MOCS1: variants seen among roughly 807,000 people sequenced by gnomAD.
The protein encoded by MOCS1 is molybdenum cofactor synthesis 1.
A neutral mutation model predicts 57.6 loss-of-function variants in MOCS1; 39 were observed. The ratio of observed to expected loss-of-function variants is 0.68; its 90% CI spans 0.52 to 0.88. The LOEUF is 0.88. MOCS1 is among the 40% of genes least tolerant of loss of function. The probability of loss-of-function intolerance (pLI) is 0.00; values close to 1 mark genes in which losing one functional copy is unlikely to be tolerated. For synonymous variants in MOCS1, 334 were observed against 335.7 expected, an observed-to-expected ratio of 1.00 and a Z score of 0.05; for missense variants, 795 against 831.1, an observed-to-expected ratio of 0.96 and a Z score of 0.53.
At chr6:39,922,326 G>GC (rs1768015619) in intron 3 of MOCS1, among the ~76,000 whole-genome samples, 1 of 152,166 alleles carries the variant, frequency 6.6e-6, no homozygotes, top group Non-Finnish European at 1.5e-5. Context: ...TCCAACCTGT[G>GC]CCCTAGGGGC....
At chr6:39,912,852 C>T in intron 7 of MOCS1, 40 bp downstream of exon 7, 1 of 1,535,002 alleles carries the variant, frequency 6.5e-7, no homozygotes, top group Non-Finnish European at 9.0e-7. Context: ...GGAGGTACGA[C>T]CTTCCTCCAG....
At chr6:39,926,401 T>C (rs1000352469) in intron 2 of MOCS1, among the ~76,000 whole-genome samples, 2 of 151,836 alleles carry the variant, frequency 1.3e-5, no homozygotes, top group East Asian at 2.0e-4. Context: ...ATACTACTTG[T>C]TCATGGTGAG....
chr6:39,929,626 C>T (rs1019931273), intron 1 of MOCS1, among the ~76,000 whole-genome samples: 2 of 151,732 alleles, frequency 1.3e-5, no homozygotes, highest in Non-Finnish European at 2.9e-5. Context: ...TGAGAGCAAG[C>T]AGTGTGATGG....
Position 39,905,575 on chromosome 6 carries a change from T to TATC in MOCS1, c.*779_*781dup, listed in dbSNP as rs534133020. On this transcript the variant is annotated 3_prime_UTR_variant, in exon 11 of 11. Transcript: ENST00000340692. ...GTGCGCTGTGAGGGTGAAGGCAATC[T>TATC]ATCATCAACTTTTCTTTCCCTGATA... The TATC allele has an allele frequency of 3.1e-4, 148 of 471,204 alleles. No homozygotes were observed. Among genetic ancestry groups the TATC allele is most frequent in the East Asian group, 1.9e-3 (28 of 14,392 alleles). 29.2% of individuals were successfully genotyped at this position (471,204 alleles called of 1,614,324 possible).
intron 7 of MOCS1, 104 bp downstream of exon 7, chr6:39,912,788 C>T: frequency 2.2e-6 from 2 of 892,754 alleles, no homozygotes; most frequent in East Asian, 2.4e-5. Context: ...TACCATCCCA[C>T]ATCACAGCAT....
chr6:39,928,553 T>C (rs769570323), intron 1 of MOCS1, among the ~76,000 whole-genome samples: 15 of 152,002 alleles, frequency 9.9e-5, no homozygotes, highest in Non-Finnish European at 1.5e-4. Context: ...AGAAGTCACT[T>C]CTCTAGAATA....
intron 8 of MOCS1, among the ~76,000 whole-genome samples, chr6:39,911,928 C>T (rs185831788): frequency 5.3e-5 from 8 of 152,320 alleles, no homozygotes; most frequent in Admixed American, 1.3e-4. Context: ...AGCTGAGCCC[C>T]TGGCCTGGTG....
chr6:39,909,922 G>A lies in MOCS1; in HGVS notation c.1015C>T (p.Arg339Trp), dbSNP rs148579886. The A allele has an allele frequency of 6.9e-4, 1,109 of 1,613,708 alleles. 2 individuals are homozygous for A. Among genetic ancestry groups the A allele is most frequent in the Non-Finnish European group, 8.0e-4 (946 of 1,179,988 alleles). ...CLFGNSEVSL[R>W]DHLRAGASEQ... ...GAGGCCCCAGCTCGCAGGTGATCCC[G>A]CAGGGATACCTCAGAGTTTCCAAAG... Residue 339 changes from arginine (R) to tryptophan (W), a missense_variant, in exon 9 of 11, where the codon CGG becomes TGG. Physicochemically the swap from Arg to Trp is moderately radical, Grantham distance 101. Coordinates refer to ENST00000340692, the MANE Select transcript of MOCS1 (RefSeq NM_001358530.2).
At chr6:39,925,963 G>T in intron 2 of MOCS1, 118 bp from the exon 3 acceptor site, 1 of 1,132,444 alleles carries the variant, frequency 8.8e-7, no homozygotes, top group Non-Finnish European at 1.2e-6. Flanking sequence ...ATCTGGATGT[G>T]AGCGGAGACC....
chr6:39,913,867 C>G (rs1767500346), intron 4 of MOCS1, 32 bp from the exon 5 acceptor site: 1 of 1,607,064 alleles, frequency 6.2e-7, no homozygotes, highest in African/African-American at 1.3e-5. Context: ...CCAGGAACTT[C>G]TGTCCTCTCT....
rs1369644047 is a variant in MOCS1, at chr6:39,927,391, T to C, written c.188A>G (p.Asp63Gly). 6.2e-7 allele frequency: 1 copy of C among 1,612,736 alleles called. No individual in the cohort carries two copies. The highest frequency in any genetic ancestry group is 8.5e-7 in the Non-Finnish European group (1 of 1,179,910). Residue 63 changes from aspartate (D) to glycine (G), a missense_variant, in exon 2 of 11, where the codon GAC (aspartate) becomes GGC (glycine). Coordinates refer to ENST00000340692, the MANE Select transcript of MOCS1 (RefSeq NM_001358530.2). ...HAAPFSAFLT[D>G]SFGRQHSYLR... ...GTAGCTGTGCTGCCGGCCGAAGCTGTCTGTGAGGAAGGCGGAGAAGGGGGC... is the reference window on the plus strand; with the variant it reads ...GTAGCTGTGCTGCCGGCCGAAGCTGCCTGTGAGGAAGGCGGAGAAGGGGGC...
rs1319300232 is a variant in MOCS1, at chr6:39,905,414, G to A, written c.*943C>T. On this transcript the variant is annotated 3_prime_UTR_variant, in exon 11 of 11. Coordinates refer to ENST00000340692, the MANE Select transcript of MOCS1 (RefSeq NM_001358530.2). Reference sequence around the variant, plus strand: ...CAGGTCCCTCCTCTTCTTCCCTCAGGGAACTGTGTCTTGGGATAGGATTGA... The same window carrying A: ...CAGGTCCCTCCTCTTCTTCCCTCAGAGAACTGTGTCTTGGGATAGGATTGA... 6 of 469,630 alleles carry A rather than the reference G, an allele frequency of 1.3e-5. No homozygotes were observed. The highest frequency in any genetic ancestry group is 2.6e-5 in the Non-Finnish European group (6 of 227,056). 29.1% of individuals were successfully genotyped at this position (469,630 alleles called of 1,614,324 possible).
chr6:39,913,173 C>T (rs76378022), intron 6 of MOCS1, 144 bp downstream of exon 6: 25 of 880,162 alleles, frequency 2.8e-5, no homozygotes, highest in Middle Eastern at 2.2e-4. Flanking sequence ...ACATCCACAG[C>T]GGGCTCCGAG....
Position 39,926,590 on chromosome 6 carries a change from T to A in MOCS1, c.250+739A>T, listed in dbSNP as rs190664891. Reference sequence around the variant, plus strand: ...GTCCTTTGAGACTGAAGAGAATAAGTAAGACTACCAGAATGTAAAGCATAT... The same window carrying A: ...GTCCTTTGAGACTGAAGAGAATAAGAAAGACTACCAGAATGTAAAGCATAT... On this transcript the variant is annotated intron_variant, in intron 2 of 10. Transcript: ENST00000340692. Among the ~76,000 whole-genome samples the A allele has an allele frequency of 3.5e-3, 517 of 149,848 alleles. 3 individuals are homozygous for A. Among genetic ancestry groups the A allele is most frequent in the African/African-American group, 0.012 (497 of 40,520 alleles).
intron 1 of MOCS1, 24 bp from the exon 2 acceptor site, chr6:39,927,479 AG>A (rs1422432189): frequency 1.2e-6 from 2 of 1,610,048 alleles, no homozygotes; most frequent in Non-Finnish European, 1.7e-6. Flanking sequence ...CCAGGGAGGA[AG>A]CATGGGCCCC....
At chr6:39,917,065 A>G (rs2984658) in intron 3 of MOCS1, among the ~76,000 whole-genome samples, 111,145 of 152,096 alleles carry the variant, frequency 0.73, 40,847 homozygotes, top group East Asian at 0.87. Flanking sequence ...CTCAAGGATA[A>G]AGCACCAGTG....
intron 10 of MOCS1, among the ~76,000 whole-genome samples, chr6:39,907,916 C>T (rs1198824445): frequency 6.6e-6 from 1 of 152,214 alleles, no homozygotes; most frequent in East Asian, 1.9e-4. Context: ...ACTGGTTACT[C>T]AATATCTCTG....
chr6:39,917,085 A>C (rs143601500), intron 3 of MOCS1, among the ~76,000 whole-genome samples: 255 of 152,338 alleles, frequency 1.7e-3, no homozygotes, highest in Non-Finnish European at 2.7e-3. Flanking sequence ...GCAGACACTT[A>C]AGCCAGCCAT....
chr6:39,921,531 GTATGATTTAAC>G lies in MOCS1; in HGVS notation c.418+4136_418+4146del, dbSNP rs1330912194. 3.5e-4 allele frequency among the ~76,000 whole-genome samples: 53 copies of G among 152,270 alleles called. No homozygotes were observed. The East Asian group carries it at 8.7e-3, about 25-fold the overall frequency. ...ATGATGAGAATATCTCATGAACCAA[GTATGATTTAAC>G]TATGATTTAACCTAATTCTATGCAA... On this transcript the variant is annotated intron_variant, in intron 3 of 10. Coordinates refer to ENST00000340692, the MANE Select transcript of MOCS1 (RefSeq NM_001358530.2).
Sources: allele counts gnomAD v4.1 joint callset (sites outside exome capture counted in the v4.1 genomes callset), GRCh38; gene constraint gnomAD v4.1.1; transcripts MANE v1.5; gene names NCBI Gene and HGNC (gene_info 2026-07-23, HGNC 2026-07-21).